CEMIP: variants seen among roughly 807,000 people sequenced by gnomAD.
CEMIP encodes cell migration inducing hyaluronidase 1.
In CEMIP, 105 loss-of-function variants were observed where a neutral mutation model predicts 156.9. That is an observed-to-expected ratio of 0.67 (90% CI 0.57 to 0.79). The LOEUF (loss-of-function observed/expected upper bound fraction) is 0.79. CEMIP is among the 30% of genes least tolerant of loss of function. CEMIP has a pLI of 0.00. For missense variants in CEMIP, 1,457 were observed against 1,769.4 expected (o/e 0.82, Z 3.17); for synonymous variants, 676 against 668.4 (o/e 1.01, Z -0.17).
At chr15:80,835,500 C>G (rs1897252334) in intron 1 of CEMIP, among the ~76,000 whole-genome samples, 1 of 152,226 alleles carries the variant, frequency 6.6e-6, no homozygotes, top group African/African-American at 2.4e-5. Flanking sequence ...GCATGGCCAC[C>G]CTTCAGCCTG....
At chr15:80,923,931 A>C (rs1323456327) in intron 17 of CEMIP, among the ~76,000 whole-genome samples, 1 of 152,202 alleles carries the variant, frequency 6.6e-6, no homozygotes, top group African/African-American at 2.4e-5. Context: ...GCTGAATTAT[A>C]AGCCAGAGGG....
In CEMIP at chr15:80,920,237, G is replaced by A. The variant is rs1406674612; in HGVS notation, c.1941G>A (p.Met647Ile). 3.7e-6 allele frequency: 6 copies of A among 1,614,078 alleles called. No individual in the cohort carries two copies. The highest frequency in any genetic ancestry group is 3.3e-5 in the South Asian group (3 of 91,080). ...TLLPSDRDSK[M>I]CKMITEDSYP... The stretch of plus-strand genomic sequence containing the variant: ...TCCCCTCGGACCGTGACAGCAAGAT[G>A]TGCAAGATGATCACAGAGGACTCCT... The change falls in exon 15 of 30, where the codon ATG becomes ATA. Residue 647 changes from methionine (M) to isoleucine (I), a missense_variant. Around this residue, in one of 5 missense-constraint regions of CEMIP, gnomAD observed 798 missense variants for 980.1 expected, o/e 0.81. Coordinates refer to ENST00000394685, the MANE Select transcript of CEMIP (RefSeq NM_001293298.2).
chr15:80,854,335 C>T (rs548441240), intron 1 of CEMIP, among the ~76,000 whole-genome samples: 117 of 152,358 alleles, frequency 7.7e-4, no homozygotes, highest in African/African-American at 2.7e-3. Flanking sequence ...GGCAACTTCT[C>T]CTGGCTATAA....
In CEMIP at chr15:80,937,924, A is replaced by G; in HGVS notation, c.3352A>G (p.Lys1118Glu). 5 of 1,614,214 alleles carry G rather than the reference A, an allele frequency of 3.1e-6. No homozygotes were observed. In the South Asian group the frequency reaches 5.5e-5, roughly 18 times the overall value. The change falls in exon 25 of 30, where the codon AAA becomes GAA. Residue 1118 changes from lysine to glutamate, a missense_variant. Transcript: ENST00000394685. ...CTTCGTGAGGACCTTGCAGATGGAC[A>G]AAGTGGAGCAGAGCTACCCTGGCAG... ...GVFVRTLQMD[K>E]VEQSYPGRSH...
At chr15:80,916,822 G>T (rs1174401989) in intron 14 of CEMIP, among the ~76,000 whole-genome samples, 1 of 152,050 alleles carries the variant, frequency 6.6e-6, no homozygotes, top group East Asian at 1.9e-4. Flanking sequence ...GGCTGTCCTC[G>T]GCCTTATCAT....
chr15:80,891,903 C>G (rs1413169266), intron 10 of CEMIP, among the ~76,000 whole-genome samples: 1 of 152,188 alleles, frequency 6.6e-6, no homozygotes, highest in African/African-American at 2.4e-5. Flanking sequence ...CCAGTCTTTC[C>G]TATGCTCACA....
intron 1 of CEMIP, among the ~76,000 whole-genome samples, chr15:80,853,925 T>C (rs1421788564): frequency 6.6e-6 from 1 of 152,242 alleles, no homozygotes; most frequent in Non-Finnish European, 1.5e-5. Flanking sequence ...TTGGGGCAAG[T>C]CATGGTCTTG....
At chr15:80,927,896 G>A (rs915596666) in intron 19 of CEMIP, among the ~76,000 whole-genome samples, 2 of 152,122 alleles carry the variant, frequency 1.3e-5, no homozygotes, top group African/African-American at 4.8e-5. Context: ...GAACTAAATG[G>A]GCTTCGGAAA....
chr15:80,922,623 T>C (rs1405985783), intron 17 of CEMIP, among the ~76,000 whole-genome samples: 1 of 152,222 alleles, frequency 6.6e-6, no homozygotes, highest in East Asian at 1.9e-4. Flanking sequence ...ATGAATGGGT[T>C]GCTGCATCTG....
intron 12 of CEMIP, among the ~76,000 whole-genome samples, chr15:80,905,497 A>G (rs1297657136): frequency 6.6e-6 from 1 of 152,114 alleles, no homozygotes; most frequent in African/African-American, 2.4e-5. Context: ...CTTGAGATGC[A>G]TTTTCTGCAC....
chr15:80,811,268 C>T (rs1896666226), intron 1 of CEMIP, among the ~76,000 whole-genome samples: 2 of 152,180 alleles, frequency 1.3e-5, no homozygotes, highest in Non-Finnish European at 2.9e-5. Flanking sequence ...GACAGTTGTC[C>T]ATTGCTGAAT....
chr15:80,934,921 A>C (rs1901059513), intron 23 of CEMIP, among the ~76,000 whole-genome samples: 1 of 152,124 alleles, frequency 6.6e-6, no homozygotes, highest in Non-Finnish European at 1.5e-5. Flanking sequence ...ACCTCCAGAG[A>C]GCGATAAAGA....
chr15:80,918,737 A>T (rs1900363962), intron 14 of CEMIP, among the ~76,000 whole-genome samples: 1 of 152,202 alleles, frequency 6.6e-6, no homozygotes, highest in Non-Finnish European at 1.5e-5. Flanking sequence ...ACTATGGAAC[A>T]GGCCACCTTG....
rs567362458 is a variant in CEMIP at position 80,810,428 on chromosome 15, C to T, written c.-176+30814C>T. ...TGTCACCCAGGCTGGAGTGCAGTGG[C>T]GCAATCTCAGCTCACTGCAAGCTCC... On this transcript the variant is annotated intron_variant, in intron 1 of 29. Transcript: ENST00000394685. 4.6e-5 allele frequency among the ~76,000 whole-genome samples: 7 copies of T among 152,284 alleles called. No individual in the cohort carries two copies. The Middle Eastern group carries it at 0.01, about 222-fold the overall frequency.
intron 1 of CEMIP, among the ~76,000 whole-genome samples, chr15:80,865,593 C>T (rs947755257): frequency 6.6e-6 from 1 of 151,396 alleles, no homozygotes; most frequent in Non-Finnish European, 1.5e-5. Flanking sequence ...GCCCTTTGAA[C>T]GTGAGGACTT....
rs141337781 is a variant in CEMIP at position 80,792,316 on chromosome 15, C to A, written c.-176+12702C>A. 1.7e-4 allele frequency among the ~76,000 whole-genome samples: 26 copies of A among 152,312 alleles called. No individual in the cohort carries two copies. In the East Asian group the frequency reaches 5.0e-3, roughly 29 times the overall value. On this transcript the variant is annotated intron_variant, in intron 1 of 29. Coordinates refer to ENST00000394685, the MANE Select transcript of CEMIP (RefSeq NM_001293298.2). Reference sequence around the variant, plus strand: ...AACTGTTCTCCATATTCTTTCTCCACCAGTTTGCATGCTGTCTACTTTATA... The same window carrying A: ...AACTGTTCTCCATATTCTTTCTCCAACAGTTTGCATGCTGTCTACTTTATA...
intron 27 of CEMIP, 43 bp from the exon 28 acceptor site, chr15:80,942,902 C>A (rs773153145): frequency 8.0e-5 from 129 of 1,612,992 alleles, no homozygotes; most frequent in Non-Finnish European, 1.0e-4. Context: ...AACCATGGGG[C>A]CTTGGCACCC....
chr15:80,920,444 C>T, intron 15 of CEMIP, 145 bp downstream of exon 15: 2 of 688,672 alleles, frequency 2.9e-6, no homozygotes, highest in Non-Finnish European at 4.8e-6. Flanking sequence ...CCACCTACGG[C>T]TCCAGCTTCC....
intron 1 of CEMIP, among the ~76,000 whole-genome samples, chr15:80,859,534 C>A (rs1897933961): frequency 6.6e-6 from 1 of 152,230 alleles, no homozygotes; most frequent in African/African-American, 2.4e-5. Flanking sequence ...GCCTTTGCCC[C>A]ACAAGGCCCT....
Sources: allele counts gnomAD v4.1 joint callset (sites outside exome capture counted in the v4.1 genomes callset), GRCh38; gene constraint gnomAD v4.1.1; regional missense constraint gnomAD v4.1.1; transcripts MANE v1.5; gene names NCBI Gene and HGNC (gene_info 2026-07-23, HGNC 2026-07-21).